The following LAMA4 variants were observed in gnomAD, a reference collection of about 807,000 sequenced individuals.
LAMA4 encodes laminin subunit alpha 4, also known as laminin subunit alpha-4.
LAMA4 carries 127 observed loss-of-function variants against 207.1 expected under a neutral mutation model. That is an observed-to-expected ratio of 0.61 (90% confidence interval 0.53 to 0.71). LAMA4 has a LOEUF of 0.71. Among genes scored for constraint, LAMA4 ranks in the 30% least tolerant of loss-of-function variants. The pLI is 0.00. For synonymous variants in LAMA4, 761 were observed against 816.0 expected (o/e 0.93, Z 1.15); for missense variants, 2,093 against 2,246.5 (o/e 0.93, Z 1.38).
chr6:112,226,515 C>T (rs1191201800), intron 2 of LAMA4, among the ~76,000 whole-genome samples: 10 of 152,180 alleles, frequency 6.6e-5, no homozygotes, highest in African/African-American at 2.4e-4. Context: ...ACTCACATGG[C>T]ACCTTGCACA....
At chr6:112,184,287 C>T (rs1190714043) in intron 9 of LAMA4, among the ~76,000 whole-genome samples, 1 of 148,182 alleles carries the variant, frequency 6.7e-6, no homozygotes, top group Non-Finnish European at 1.5e-5. Context: ...AGCGGCAATT[C>T]TGAAGTACTC....
chr6:112,194,612 A>G (rs1199899699), intron 5 of LAMA4, among the ~76,000 whole-genome samples: 6 of 152,262 alleles, frequency 3.9e-5, no homozygotes, highest in African/African-American at 1.4e-4. Context: ...TAGAAGGCAG[A>G]GAAGCTAAAT....
chr6:112,171,493 G>C (rs756894755), intron 12 of LAMA4: 1 of 153,678 alleles, frequency 6.5e-6, no homozygotes, highest in Non-Finnish European at 1.5e-5. Flanking sequence ...AGTTGTAGAG[G>C]AATGGAAAAG....
chr6:112,154,408 CCT>C (rs2114773892), intron 16 of LAMA4, among the ~76,000 whole-genome samples: 1 of 151,398 alleles, frequency 6.6e-6, no homozygotes, highest in Admixed American at 6.6e-5. Flanking sequence ...TTTGTGGTAC[CCT>C]GTCATCCTAA....
chr6:112,180,316 A>C (rs1782281241), intron 9 of LAMA4, among the ~76,000 whole-genome samples: 1 of 152,210 alleles, frequency 6.6e-6, no homozygotes, highest in Non-Finnish European at 1.5e-5. Flanking sequence ...AGGTAGATAG[A>C]GATATATAGC....
rs1779532018 is a variant in LAMA4 at position 112,139,188 on chromosome 6, C to G, written c.3214G>C (p.Val1072Leu). ...CGAACTTCTATGTCAAAGCGAGTCA[C>G]CTGACCAAATTTCCCTCTCCTTGTG... ...DITRRGKFGQ[V>L]TRFDIEVRTP... The change falls in exon 24 of 39, where the codon GTG (valine) becomes CTG (leucine). Residue 1072 changes from valine to leucine, a missense_variant. Around this residue, in one of 3 missense-constraint regions of LAMA4, gnomAD observed 1,704 missense variants for 1,788.4 expected, o/e 0.95. Transcript: ENST00000230538. 1.9e-6 allele frequency: 3 copies of G among 1,614,094 alleles called. No individual in the cohort carries two copies. The highest frequency in any genetic ancestry group is 1.3e-5 in the African/African-American group (1 of 74,936).
rs782394010 is a variant in LAMA4, at chr6:112,158,780, G to C, written c.1769C>G (p.Ala590Gly). 1.3e-5 allele frequency: 21 copies of C among 1,613,504 alleles called. No individual in the cohort carries two copies. The highest frequency in any genetic ancestry group is 1.6e-5 in the Non-Finnish European group (19 of 1,179,626). The change falls in exon 14 of 39, where the codon GCT (alanine) becomes GGT (glycine). Residue 590 changes from alanine (A) to glycine (G), a missense_variant. Physicochemically the swap from Ala to Gly is moderately conservative, Grantham distance 60 (BLOSUM62 0). Around this residue, in one of 3 missense-constraint regions of LAMA4, gnomAD observed 1,704 missense variants for 1,788.4 expected, o/e 0.95. Transcript: ENST00000230538. ...TTGAAGGTCCTGTGCATGGTCAATAGCTTCTTGGACTAAATCATGGCTGAG... is the reference window on the plus strand; with the variant it reads ...TTGAAGGTCCTGTGCATGGTCAATACCTTCTTGGACTAAATCATGGCTGAG... ...SNLSHDLVQEAIDHAQDLQQE... is the reference protein window; with the variant it reads ...SNLSHDLVQEGIDHAQDLQQE...
chr6:112,221,937 C>T (rs1343670348), intron 2 of LAMA4, among the ~76,000 whole-genome samples: 4 of 152,124 alleles, frequency 2.6e-5, no homozygotes, highest in Non-Finnish European at 5.9e-5. Flanking sequence ...TTTCACAAGC[C>T]ATTTTTTTCT....
At chr6:112,166,998 T>A (rs1176683171) in intron 12 of LAMA4, among the ~76,000 whole-genome samples, 3 of 152,172 alleles carry the variant, frequency 2.0e-5, no homozygotes, top group African/African-American at 7.2e-5. Flanking sequence ...GAAGGAGTAT[T>A]TTACTTACTT....
chr6:112,180,083 T>A, intron 9 of LAMA4: 6 of 363,532 alleles, frequency 1.7e-5, no homozygotes, highest in South Asian at 1.4e-4. Context: ...TTTTAATGAG[T>A]TGATCTTTGA....
rs541682373 is a variant in LAMA4 at position 112,139,800 on chromosome 6, A to T, written c.3062T>A (p.Phe1021Tyr). 1 of 1,614,060 alleles carries T rather than the reference A, an allele frequency of 6.2e-7. No individual in the cohort carries two copies. The highest frequency in any genetic ancestry group is 2.2e-5 in the East Asian group (1 of 44,874). Reference protein sequence around the residue: ...LNNDVISLYNFKHIYNMDPST... With the variant: ...LNNDVISLYNYKHIYNMDPST... ...GGGGTCCATATTATAGATGTGCTTA[A>T]AGTTGTACAAGCTGATCACATCATT... The change falls in exon 23 of 39, where the codon TTT (phenylalanine) becomes TAT (tyrosine). Residue 1021 changes from phenylalanine (F) to tyrosine (Y), a missense_variant. By Grantham distance (22) the Phe-to-Tyr change is conservative. Transcript: ENST00000230538.
At position 112,190,927 on chromosome 6, in the gene LAMA4, CTTTCTTTCTTTCTTTCTTTCCTTTCTTT is replaced by C. The variant is rs1562714319; in HGVS notation, c.718+681_718+708del. 1.4e-3 allele frequency among the ~76,000 whole-genome samples: 129 copies of C among 92,742 alleles called. 2 individuals carry two copies. The highest frequency in any genetic ancestry group is 8.1e-3 in the East Asian group (23 of 2,842). The allele number at this position is 92,742 out of a possible 152,430, so 60.8% of individuals were successfully genotyped here. A position where few individuals can be genotyped will look rare whatever the true frequency, so the allele number is the denominator to read the frequency against. On this transcript the variant is annotated intron_variant, in intron 6 of 38. Transcript: ENST00000230538. ...TCTTTCTTTCTTTCTTTCTTTCTTT[CTTTCTTTCTTTCTTTCTTTCCTTTCTTT>C]CTTTCTTTCTTTCTTTCTTTCTTTC...
chr6:112,183,734 T>TC (rs1554345801), intron 9 of LAMA4, among the ~76,000 whole-genome samples: 6 of 151,972 alleles, frequency 3.9e-5, no homozygotes, highest in Non-Finnish European at 8.8e-5. Context: ...GCTGATCACC[T>TC]GAGGTCAAGA....
rs191607652 is a variant in LAMA4 at position 112,187,786 on chromosome 6, T to C, written c.815-185A>G. Among the ~76,000 whole-genome samples, 9 of 152,294 alleles carry C rather than the reference T, an allele frequency of 5.9e-5. No individual in the cohort carries two copies. The East Asian group carries it at 1.4e-3, about 23-fold the overall frequency. The stretch of plus-strand genomic sequence containing the variant: ...TGGCATTAGCTAGTGAAGATGGCTA[T>C]TGGCTAGACGCTCCTCCTCTCCTAT... On this transcript the variant is annotated intron_variant, in intron 7 of 38. Coordinates refer to ENST00000230538, the MANE Select transcript of LAMA4 (RefSeq NM_001105206.3).
chr6:112,166,661 CAA>C (rs1554340032), intron 12 of LAMA4, among the ~76,000 whole-genome samples: 1 of 152,190 alleles, frequency 6.6e-6, no homozygotes, highest in African/African-American at 2.4e-5. Flanking sequence ...AGATGAAAAA[CAA>C]TATGCTTCAA....
chr6:112,136,632 C>T (rs1260480458), intron 24 of LAMA4, among the ~76,000 whole-genome samples: 3 of 148,026 alleles, frequency 2.0e-5, no homozygotes, highest in Non-Finnish European at 4.4e-5. Context: ...GTGGAAGTTA[C>T]AGTGAGCCGA....
chr6:112,229,650 T>C (rs1785432470), intron 2 of LAMA4, among the ~76,000 whole-genome samples: 2 of 152,212 alleles, frequency 1.3e-5, no homozygotes, highest in South Asian at 4.1e-4. Flanking sequence ...AGTAGAAGAC[T>C]GAACAGAGCT....
At chr6:112,182,097 AAAAT>A (rs58426217) in intron 9 of LAMA4, among the ~76,000 whole-genome samples, 63 of 148,654 alleles carry the variant, frequency 4.2e-4, no homozygotes, top group Middle Eastern at 3.4e-3. Flanking sequence ...ACTCTGTCTG[AAAAT>A]AAATAAATAA....
At chr6:112,223,181 A>AC (rs1562751665) in intron 2 of LAMA4, among the ~76,000 whole-genome samples, 1 of 147,498 alleles carries the variant, frequency 6.8e-6, no homozygotes, top group Non-Finnish European at 1.5e-5. Context: ...ATGCTGCCAG[A>AC]TTTTTTTTTT....
Sources: gnomAD v4.1 joint callset for allele counts (sites outside exome capture counted in the v4.1 genomes callset) on GRCh38, gnomAD v4.1.1 for gene constraint, gnomAD v4.1.1 regional missense constraint, MANE v1.5 for transcripts, NCBI Gene and HGNC (gene_info 2026-07-23, HGNC 2026-07-21) for gene names.